The following PRDM16 variants were observed in gnomAD, a reference collection of about 807,000 sequenced individuals.
PRDM16 encodes the protein histone-lysine N-methyltransferase PRDM16.
A neutral mutation model predicts 110.6 loss-of-function variants in PRDM16; 23 were observed. That is an observed-to-expected ratio of 0.21 (90% CI 0.15 to 0.29). The LOEUF is 0.29. Among genes scored for constraint, PRDM16 ranks in the 10% least tolerant of loss-of-function variants. The pLI, the probability that PRDM16 is intolerant of heterozygous loss-of-function variation, is 1.00. For synonymous variants in PRDM16, 799 were observed against 781.8 expected, an observed-to-expected ratio of 1.02 and a Z score of -0.37; for missense variants, 1,615 against 1,794.3, an observed-to-expected ratio of 0.90 and a Z score of 1.81.
chr1:3,322,350 T>C (rs894488763), intron 3 of PRDM16, among the ~76,000 whole-genome samples: 4 of 152,130 alleles, frequency 2.6e-5, no homozygotes, highest in Non-Finnish European at 5.9e-5. Context: ...GTTACATCAT[T>C]TTCTTCCCCT....
At chr1:3,409,050 G>A (rs1035440550) in intron 8 of PRDM16, among the ~76,000 whole-genome samples, 28 of 149,270 alleles carry the variant, frequency 1.9e-4, no homozygotes, top group South Asian at 2.1e-4. Flanking sequence ...CGTGTGGGCC[G>A]GTGCGTGTGT....
At position 3,405,560 on chromosome 1, in the gene PRDM16, C is replaced by T. The variant is rs764582197; in HGVS notation, c.1098C>T (p.His366=). ...IRSQHVGARA[H]ACPDCGKTFA... is the part of the protein sequence containing the mutation. Reference sequence around the variant, plus strand: ...CGCAGCACGTGGGCGCTCGGGCCCACGCCTGCCCCGACTGCGGGAAGACCT... The same window carrying T: ...CGCAGCACGTGGGCGCTCGGGCCCATGCCTGCCCCGACTGCGGGAAGACCT... Residue 366 remains histidine, a synonymous_variant, in exon 8 of 17, where the codon CAC becomes CAT. Coordinates refer to ENST00000270722, the MANE Select transcript of PRDM16 (RefSeq NM_022114.4). 1.9e-5 allele frequency: 31 copies of T among 1,610,116 alleles called. No individual in the cohort carries two copies. Among genetic ancestry groups the T allele is most frequent in the African/African-American group, 2.7e-5 (2 of 74,804 alleles).
intron 3 of PRDM16, among the ~76,000 whole-genome samples, chr1:3,273,929 G>A (rs573957432): frequency 2.0e-5 from 3 of 147,094 alleles, no homozygotes; most frequent in Admixed American, 6.9e-5. Context: ...TGTTGTGTGC[G>A]TGTGTCCCAG....
At position 3,147,860 on chromosome 1, in the gene PRDM16, G is replaced by A. The variant is rs549174570; in HGVS notation, c.38-38265G>A. Among the ~76,000 whole-genome samples, 11 of 152,300 alleles carry A rather than the reference G, an allele frequency of 7.2e-5. No individual in the cohort carries two copies. In the East Asian group the frequency reaches 1.9e-3, roughly 27 times the overall value. On this transcript the variant is annotated intron_variant, in intron 1 of 16. Coordinates refer to ENST00000270722, the MANE Select transcript of PRDM16 (RefSeq NM_022114.4). ...CAGGCCATGGGGCAGGCTGAGAGCTGATACTGGCCCCTCTCGCCCCAGCCA... is the reference window on the plus strand; with the variant it reads ...CAGGCCATGGGGCAGGCTGAGAGCTAATACTGGCCCCTCTCGCCCCAGCCA...
chr1:3,167,075 C>T (rs924121756), intron 1 of PRDM16, among the ~76,000 whole-genome samples: 1 of 152,190 alleles, frequency 6.6e-6, no homozygotes, highest in African/African-American at 2.4e-5. Flanking sequence ...CAGGGACGAT[C>T]TGGATTGCAC....
In PRDM16 at chr1:3,244,281, G is replaced by A. The variant is rs1308750125; in HGVS notation, c.438+144G>A. 7 of 757,132 alleles carry A rather than the reference G, an allele frequency of 9.2e-6. No homozygotes were observed. In the African/African-American group the frequency reaches 1.0e-4, roughly 11 times the overall value. 46.9% of individuals were successfully genotyped at this position (757,132 alleles called of 1,614,324 possible). On this transcript the variant is annotated intron_variant, in intron 3 of 16. Transcript: ENST00000270722. The surrounding 1 kb of genome is among the most constrained non-coding windows in gnomAD (Gnocchi z 4.1). ...GGCCCCGAGCAATGTGTTATCTGTG[G>A]ACTGACGTGTGCACAGGACGGTGGC...
At chr1:3,311,364 T>TTA (rs1641456516) in intron 3 of PRDM16, among the ~76,000 whole-genome samples, 1 of 152,194 alleles carries the variant, frequency 6.6e-6, no homozygotes. Context: ...GGGTGGGATC[T>TTA]TATTTCTTCC....
intron 3 of PRDM16, among the ~76,000 whole-genome samples, chr1:3,365,223 G>A (rs1039589375): frequency 6.6e-6 from 1 of 152,156 alleles, no homozygotes; most frequent in Non-Finnish European, 1.5e-5. Context: ...GACCCTGGGC[G>A]CCCTGTGCCG....
Position 3,244,021 on chromosome 1 carries a change from A to G in PRDM16, c.388-66A>G, listed in dbSNP as rs1639731551. ...GACAGTGGTTCTGCCCCCACCATTT[A>G]GAACCCAGTGTAGCTTGAGAATGTT... On this transcript the variant is annotated intron_variant, in intron 2 of 16. Transcript: ENST00000270722. This position sits in a 1 kb window ranked among gnomAD's most constrained non-coding sequence, Gnocchi z 4.1. 6.5e-7 allele frequency: 1 copy of G among 1,539,344 alleles called. No individual in the cohort carries two copies. Among genetic ancestry groups the G allele is most frequent in the African/African-American group, 1.4e-5 (1 of 73,372 alleles).
intron 1 of PRDM16, among the ~76,000 whole-genome samples, chr1:3,141,642 G>A (rs1643551878): frequency 6.6e-6 from 1 of 152,246 alleles, no homozygotes; most frequent in East Asian, 1.9e-4. Flanking sequence ...CAACGTGGTG[G>A]CATTAATCAT....
chr1:3,280,633 G>A (rs533681855), intron 3 of PRDM16, among the ~76,000 whole-genome samples: 19 of 152,338 alleles, frequency 1.2e-4, no homozygotes, highest in African/African-American at 3.8e-4. Flanking sequence ...AAGGTCTGTG[G>A]CGTTAAGGTC....
chr1:3,311,563 G>C (rs755582135), intron 3 of PRDM16, among the ~76,000 whole-genome samples: 4 of 152,214 alleles, frequency 2.6e-5, no homozygotes, highest in Non-Finnish European at 4.4e-5. Flanking sequence ...AGCCAGCGTG[G>C]TACGACTTTG....
chr1:3,366,795 T>C (rs1219446120), intron 3 of PRDM16, among the ~76,000 whole-genome samples: 1 of 152,208 alleles, frequency 6.6e-6, no homozygotes, highest in African/African-American at 2.4e-5. Context: ...TTTACTAGAA[T>C]GTGTGGTTAA....
Position 3,244,198 on chromosome 1 carries a change from C to A in PRDM16, c.438+61C>A. ...AGCGTCCTCGGAGCTCCTGGCGGGG[C>A]GACCGCCATCCCAGCTGTCCCTGAG... On this transcript the variant is annotated intron_variant, in intron 3 of 16. Transcript: ENST00000270722. The surrounding 1 kb of genome is among the most constrained non-coding windows in gnomAD (Gnocchi z 4.1). 1.4e-6 allele frequency: 2 copies of A among 1,462,852 alleles called. No individual in the cohort carries two copies. Among genetic ancestry groups the A allele is most frequent in the Non-Finnish European group, 9.6e-7 (1 of 1,045,654 alleles). 90.6% of individuals were successfully genotyped at this position (1,462,852 alleles called of 1,614,324 possible). A position where few individuals can be genotyped will look rare whatever the true frequency, so the allele number is the denominator to read the frequency against.
intron 2 of PRDM16, among the ~76,000 whole-genome samples, chr1:3,223,103 CTT>C (rs1172383270): frequency 2.7e-3 from 196 of 73,958 alleles, no homozygotes; most frequent in African/African-American, 8.0e-3. Context: ...AAAATCAAGG[CTT>C]TTTTTTTTTT....
rs1309737103 is a variant in PRDM16, at chr1:3,437,988, C to T, written c.*4177C>T. 6 of 219,614 alleles carry T rather than the reference C, an allele frequency of 2.7e-5. No homozygotes were observed. Among genetic ancestry groups the T allele is most frequent in the South Asian group, 1.8e-4 (1 of 5,418 alleles). The allele number at this position is 219,614 out of a possible 1,614,324, so 13.6% of individuals were successfully genotyped here. ...CGCAGAATCACAGACCTGTGCCGCCCGCCACCTTCTGCCATTGTTACATTA... is the reference window on the plus strand; with the variant it reads ...CGCAGAATCACAGACCTGTGCCGCCTGCCACCTTCTGCCATTGTTACATTA... On this transcript the variant is annotated 3_prime_UTR_variant, in exon 17 of 17. Coordinates refer to ENST00000270722, the MANE Select transcript of PRDM16 (RefSeq NM_022114.4).
chr1:3,351,532 C>CCTCCTCTCT, intron 3 of PRDM16, among the ~76,000 whole-genome samples: 1 of 2,732 alleles, frequency 3.7e-4, no homozygotes, highest in African/African-American at 9.6e-4. Context: ...CCGTCTCTGT[C>CCTCCTCTCT]CCCCTCCCTC....
intron 1 of PRDM16, among the ~76,000 whole-genome samples, chr1:3,168,736 AGTGGGGGCCCGTGTTT>A (rs1643990949): frequency 6.6e-6 from 1 of 152,212 alleles, no homozygotes; most frequent in Non-Finnish European, 1.5e-5. Context: ...ATGAGGAGGG[AGTGGGGGCCCGTGTTT>A]CCCGGGCCAC....
intron 3 of PRDM16, among the ~76,000 whole-genome samples, chr1:3,279,311 C>T (rs1005954693): frequency 6.6e-6 from 1 of 152,200 alleles, no homozygotes; most frequent in South Asian, 2.1e-4. Flanking sequence ...GCCTCTGCAG[C>T]GGGGCAGGGT....
Sources: allele counts gnomAD v4.1 joint callset (sites outside exome capture counted in the v4.1 genomes callset), GRCh38; gene constraint gnomAD v4.1.1; non-coding constraint Gnocchi (gnomAD v3.1); transcripts MANE v1.5; gene names NCBI Gene and HGNC (gene_info 2026-07-23, HGNC 2026-07-21).